The following TAFA5 variants were observed in gnomAD, a reference collection of about 807,000 sequenced individuals.
TAFA5 encodes chemokine-like protein TAFA-5.
TAFA5 carries 6 observed loss-of-function variants against 15.3 expected under a neutral mutation model. That is an observed-to-expected ratio of 0.39 (90% CI 0.21 to 0.77). The LOEUF (loss-of-function observed/expected upper bound fraction) is 0.77, where lower values mean the gene tolerates loss of function less well. TAFA5 is among the 30% of genes least tolerant of loss of function. The probability of loss-of-function intolerance (pLI) is 0.41; values close to 1 mark genes in which losing one functional copy is unlikely to be tolerated. For synonymous variants in TAFA5, 103 were observed against 80.7 expected (o/e 1.28, Z -1.48); for missense variants, 161 against 193.1 (o/e 0.83, Z 0.98).
intron 2 of TAFA5, among the ~76,000 whole-genome samples, chr22:48,680,947 C>G (rs775453049): frequency 6.6e-6 from 1 of 152,248 alleles, no homozygotes; most frequent in Admixed American, 6.5e-5. Flanking sequence ...CCAACCTGCG[C>G]TCCCACCACG....
At chr22:48,629,076 C>T (rs1219243560) in intron 1 of TAFA5, among the ~76,000 whole-genome samples, 3 of 152,236 alleles carry the variant, frequency 2.0e-5, no homozygotes, top group Admixed American at 6.5e-5. Context: ...CAGGCCCTGC[C>T]GGCGGCCTCC....
intron 2 of TAFA5, among the ~76,000 whole-genome samples, chr22:48,689,954 C>T (rs968962046): frequency 3.3e-5 from 5 of 152,240 alleles, no homozygotes; most frequent in Admixed American, 6.5e-5. Context: ...GGCAAGGGAG[C>T]GCTCCCTGTA....
chr22:48,551,127 G>T (rs143832290), intron 1 of TAFA5, among the ~76,000 whole-genome samples: 3,129 of 152,164 alleles, frequency 0.021, 55 homozygotes, highest in Middle Eastern at 0.048. Context: ...GTCTCAGTGA[G>T]CAGGAGGCAG....
Position 48,707,858 on chromosome 22 carries a change from G to A in TAFA5, c.390+14G>A, listed in dbSNP as rs200604648. ...AAGACCACCACGGTATGTGGCCCTC[G>A]GCTTTCTCGTGGGTGTGCTGGGGAG... On this transcript the variant is annotated intron_variant, in intron 3 of 3. Coordinates refer to ENST00000402357, the MANE Select transcript of TAFA5 (RefSeq NM_001082967.3). 8.1e-5 allele frequency: 131 copies of A among 1,609,768 alleles called. No individual in the cohort carries two copies. In the Admixed American group the frequency reaches 1.4e-3, roughly 17 times the overall value.
At chr22:48,542,116 TGTGTGGTGTGTGTGA>T (rs1922404846) in intron 1 of TAFA5, among the ~76,000 whole-genome samples, 1 of 68,594 alleles carries the variant, frequency 1.5e-5, no homozygotes, top group Non-Finnish European at 4.0e-5. Context: ...GGTGTGTGTG[TGTGTGGTGTGTGTGA>T]TGTGTATGTG....
intron 3 of TAFA5, among the ~76,000 whole-genome samples, chr22:48,746,887 C>T (rs901245068): frequency 2.8e-4 from 43 of 152,176 alleles, no homozygotes; most frequent in African/African-American, 1.0e-3. Flanking sequence ...CCCCGGCAGC[C>T]ATCCTCAGGC....
At chr22:48,582,828 C>CAA (rs369354792) in intron 1 of TAFA5, among the ~76,000 whole-genome samples, 74,824 of 132,090 alleles carry the variant, frequency 0.57, 21,513 homozygotes, top group Middle Eastern at 0.67. Flanking sequence ...ACACCACACA[C>CAA]AATAAACCAC....
intron 2 of TAFA5, among the ~76,000 whole-genome samples, chr22:48,685,036 A>C (rs550871059): frequency 1.8e-3 from 269 of 152,344 alleles, no homozygotes; most frequent in African/African-American, 6.2e-3. Flanking sequence ...GGGACACAGA[A>C]GTTACAGGCA....
rs1297001337 is a variant in TAFA5, at chr22:48,489,694, C to T, written c.102C>T (p.Ile34=). 2 of 1,509,502 alleles carry T rather than the reference C, an allele frequency of 1.3e-6. No homozygotes were observed. Among genetic ancestry groups the T allele is most frequent in the Non-Finnish European group, 1.8e-6 (2 of 1,126,730 alleles). 93.5% of individuals were successfully genotyped at this position (1,509,502 alleles called of 1,614,324 possible). A position where few individuals can be genotyped will look rare whatever the true frequency, so the allele number is the denominator to read the frequency against. Residue 34 remains isoleucine, a synonymous_variant, in exon 1 of 4, where the codon ATC becomes ATT. Coordinates refer to ENST00000402357, the MANE Select transcript of TAFA5 (RefSeq NM_001082967.3). This position sits in a 1 kb window ranked among gnomAD's most constrained non-coding sequence, Gnocchi z 5.5. ...TCATGATCCTGGCCAGCCTGCTCAT[C>T]GCCTACTGCAGTGAGTACCGCGCGG... ...WAFMILASLL[I]AYCSQLAAGT... is the part of the protein sequence containing the mutation.
At chr22:48,632,888 G>T (rs1207393109) in intron 1 of TAFA5, among the ~76,000 whole-genome samples, 1 of 152,168 alleles carries the variant, frequency 6.6e-6, no homozygotes, top group Admixed American at 6.5e-5. Flanking sequence ...TTGGTGGCAG[G>T]CATAGACTAC....
At chr22:48,741,641 AGAG>A (rs1930183632) in intron 3 of TAFA5, among the ~76,000 whole-genome samples, 2 of 152,302 alleles carry the variant, frequency 1.3e-5, no homozygotes, top group East Asian at 3.9e-4. Flanking sequence ...CTTTCTAAGA[AGAG>A]GAGGTGAGGA....
intron 3 of TAFA5, among the ~76,000 whole-genome samples, chr22:48,725,022 C>T (rs1475698016): frequency 1.3e-5 from 2 of 152,244 alleles, no homozygotes; most frequent in African/African-American, 4.8e-5. Flanking sequence ...CTCTCATTCC[C>T]AAAGGAGCAG....
At chr22:48,707,526 A>C (rs1424207493) in intron 2 of TAFA5, among the ~76,000 whole-genome samples, 191 bp from the exon 3 acceptor site, 22 of 152,140 alleles carry the variant, frequency 1.4e-4, no homozygotes, top group Admixed American at 1.4e-3. Flanking sequence ...GGGAGCAAGC[A>C]CTAAACCAGG....
intron 1 of TAFA5, among the ~76,000 whole-genome samples, chr22:48,597,047 T>G (rs1260495386): frequency 6.6e-6 from 1 of 152,218 alleles, no homozygotes; most frequent in African/African-American, 2.4e-5. Flanking sequence ...GCTCTGGCGA[T>G]CCTCCCGTCT....
At chr22:48,600,076 G>A (rs1270815868) in intron 1 of TAFA5, among the ~76,000 whole-genome samples, 1 of 152,188 alleles carries the variant, frequency 6.6e-6, no homozygotes, top group Non-Finnish European at 1.5e-5. Flanking sequence ...TGAGATTCCA[G>A]TCAAAATAAA....
chr22:48,656,586 C>T (rs1927251897), intron 2 of TAFA5, among the ~76,000 whole-genome samples: 1 of 149,870 alleles, frequency 6.7e-6, no homozygotes, highest in South Asian at 2.1e-4. Context: ...CGTGAACACA[C>T]TAAAAAAAGA....
chr22:48,551,843 C>T (rs1342416635), intron 1 of TAFA5, among the ~76,000 whole-genome samples: 1 of 152,238 alleles, frequency 6.6e-6, no homozygotes, highest in Non-Finnish European at 1.5e-5. Flanking sequence ...CCAGGACCCA[C>T]CTGCTGCCCC....
chr22:48,745,097 G>C (rs1423476216), intron 3 of TAFA5, among the ~76,000 whole-genome samples: 1 of 152,234 alleles, frequency 6.6e-6, no homozygotes, highest in Non-Finnish European at 1.5e-5. Context: ...TAGCCTGTGA[G>C]GGTGTCTCAG....
At chr22:48,585,764 G>A (rs555839231) in intron 1 of TAFA5, among the ~76,000 whole-genome samples, 5 of 150,198 alleles carry the variant, frequency 3.3e-5, no homozygotes, top group Non-Finnish European at 5.9e-5. Flanking sequence ...TACCAAATAC[G>A]CATACCACAC....
Sources: gnomAD v4.1 joint callset for allele counts (sites outside exome capture counted in the v4.1 genomes callset) on GRCh38, gnomAD v4.1.1 for gene constraint, Gnocchi (gnomAD v3.1) non-coding constraint, MANE v1.5 for transcripts, NCBI Gene and HGNC (gene_info 2026-07-23, HGNC 2026-07-21) for gene names.